HGSNAT: variants seen among roughly 807,000 people sequenced by gnomAD.
HGSNAT encodes heparan-alpha-glucosaminide N-acetyltransferase.
HGSNAT carries 59 observed loss-of-function variants against 85.2 expected under a neutral mutation model. The ratio of observed to expected loss-of-function variants is 0.69; its 90% confidence interval spans 0.56 to 0.86. The LOEUF (loss-of-function observed/expected upper bound fraction) is 0.86, where lower values mean the gene tolerates loss of function less well. Ranked by LOEUF, HGSNAT falls within the 40% of genes least tolerant of loss-of-function variation. HGSNAT has a pLI of 0.00. For synonymous variants in HGSNAT, 321 were observed against 304.5 expected, an observed-to-expected ratio of 1.05 and a Z score of -0.56; for missense variants, 756 against 777.1, an observed-to-expected ratio of 0.97 and a Z score of 0.32.
At chr8:43,183,545 A>G (rs902336508) in intron 11 of HGSNAT, among the ~76,000 whole-genome samples, 3 of 150,246 alleles carry the variant, frequency 2.0e-5, no homozygotes, top group Non-Finnish European at 4.4e-5. Flanking sequence ...ATCTGGGCTC[A>G]CTGCAAACTC....
chr8:43,152,612 A>G (rs1401321961), intron 2 of HGSNAT, among the ~76,000 whole-genome samples: 1 of 152,064 alleles, frequency 6.6e-6, no homozygotes, highest in African/African-American at 2.4e-5. Context: ...CATGACACCC[A>G]GCTAATTTTT....
Position 43,178,911 on chromosome 8 carries a change from A to G in HGSNAT, c.1012+677A>G, listed in dbSNP as rs1200137900. 2.6e-3 allele frequency among the ~76,000 whole-genome samples: 382 copies of G among 147,748 alleles called. 1 individual carries two copies. Among genetic ancestry groups the G allele is most frequent in the African/African-American group, 9.5e-3 (373 of 39,154 alleles). Reference sequence around the variant, plus strand: ...TGAGTGGACACAGCACATGTTTCAGAGAGCACAGGGTTGGGGATAAGGTCA... The same window carrying G: ...TGAGTGGACACAGCACATGTTTCAGGGAGCACAGGGTTGGGGATAAGGTCA... On this transcript the variant is annotated intron_variant, in intron 10 of 17. Transcript: ENST00000379644.
At chr8:43,174,614 T>C (rs572612944) in intron 9 of HGSNAT, among the ~76,000 whole-genome samples, 2 of 145,314 alleles carry the variant, frequency 1.4e-5, no homozygotes, top group East Asian at 3.9e-4. Flanking sequence ...ATTATTGTTA[T>C]TTTTTATTTC....
Position 43,182,265 on chromosome 8 carries a change from G to C in HGSNAT, c.1128+5G>C, listed in dbSNP as rs376697764. 11 of 1,606,578 alleles carry C rather than the reference G, an allele frequency of 6.8e-6. No individual in the cohort carries two copies. Among genetic ancestry groups the C allele is most frequent in the Non-Finnish European group, 9.4e-6 (11 of 1,173,234 alleles). On this transcript the variant is annotated splice_donor_5th_base_variant and intron_variant, in intron 11 of 17. Transcript: ENST00000379644. ...GTGCCTGAACATTGTGCCTCGGTGA[G>C]AAACCATGTTTTAATTAAGAAAAAC...
chr8:43,172,624 T>C (rs567437818), intron 8 of HGSNAT, among the ~76,000 whole-genome samples: 1 of 152,224 alleles, frequency 6.6e-6, no homozygotes, highest in African/African-American at 2.4e-5. Context: ...TAACAGACTC[T>C]AGAAGTTTCT....
intron 12 of HGSNAT, 136 bp downstream of exon 12, chr8:43,191,731 G>A: frequency 2.7e-6 from 3 of 1,123,848 alleles, no homozygotes; most frequent in Non-Finnish European, 3.8e-6. Flanking sequence ...TTTGCATGGG[G>A]AGAGGAGATT....
At chr8:43,164,654 GC>G (rs1803375179) in intron 5 of HGSNAT, among the ~76,000 whole-genome samples, 1 of 152,108 alleles carries the variant, frequency 6.6e-6, no homozygotes, top group Non-Finnish European at 1.5e-5. Context: ...GGCGGCGCAC[GC>G]CTGTAATCCC....
chr8:43,191,503 C>G lies in HGSNAT; in HGVS notation c.1158C>G (p.Ile386Met). 6.2e-7 allele frequency: 1 copy of G among 1,613,964 alleles called. No homozygotes were observed. Among genetic ancestry groups the G allele is most frequent in the Non-Finnish European group, 8.5e-7 (1 of 1,179,844 alleles). ...SERSCLSLRD[I>M]TSSWPQWLLI... ...GGAGCTGCCTTTCTCTTCGAGACATCACGTCCAGCTGGCCCCAGTGGCTGC... is the reference window on the plus strand; with the variant it reads ...GGAGCTGCCTTTCTCTTCGAGACATGACGTCCAGCTGGCCCCAGTGGCTGC... Residue 386 changes from isoleucine (I) to methionine (M), a missense_variant, in exon 12 of 18, where the codon ATC (isoleucine) becomes ATG (methionine). Transcript: ENST00000379644.
intron 2 of HGSNAT, among the ~76,000 whole-genome samples, chr8:43,149,786 T>G (rs888308538): frequency 6.6e-6 from 1 of 152,072 alleles, no homozygotes; most frequent in African/African-American, 2.4e-5. Flanking sequence ...TTATAATAAC[T>G]TCATACATTT....
intron 17 of HGSNAT, among the ~76,000 whole-genome samples, chr8:43,198,677 T>C (rs1804816681): frequency 1.3e-5 from 2 of 152,206 alleles, no homozygotes; most frequent in African/African-American, 2.4e-5. Context: ...CAAGAGGTGA[T>C]ATCAAGGGAT....
At chr8:43,164,291 T>C (rs566915530) in intron 5 of HGSNAT, among the ~76,000 whole-genome samples, 1 of 152,350 alleles carries the variant, frequency 6.6e-6, no homozygotes, top group African/African-American at 2.4e-5. Flanking sequence ...AACCCTGTGT[T>C]ATTGTGCTTT....
At position 43,173,437 on chromosome 8, in the gene HGSNAT, G is replaced by A. The variant is rs112573852; in HGVS notation, c.821-276G>A. Among the ~76,000 whole-genome samples the A allele has an allele frequency of 0.03, 4,546 of 151,874 alleles. 226 individuals carry two copies. Among genetic ancestry groups the A allele is most frequent in the African/African-American group, 0.11 (4,359 of 41,344 alleles). ...TGATTCTCCTGCCTCAGCCTCCCAG[G>A]TAGCTGGGATTACAGGTGCCCGCCA... On this transcript the variant is annotated intron_variant, in intron 8 of 17. Coordinates refer to ENST00000379644, the MANE Select transcript of HGSNAT (RefSeq NM_152419.3).
At chr8:43,188,151 G>A (rs1804388005) in intron 11 of HGSNAT, among the ~76,000 whole-genome samples, 1 of 152,084 alleles carries the variant, frequency 6.6e-6, no homozygotes, top group African/African-American at 2.4e-5. Flanking sequence ...GAGTATCTTT[G>A]TGGTGTTCTC....
chr8:43,181,826 G>A (rs1804134779), intron 10 of HGSNAT: 1 of 312,886 alleles, frequency 3.2e-6, no homozygotes, highest in Non-Finnish European at 5.9e-6. Flanking sequence ...CCAGGGTCAG[G>A]CACAGGCCTG....
intron 1 of HGSNAT, among the ~76,000 whole-genome samples, chr8:43,146,666 A>G (rs1802722873): frequency 6.6e-6 from 1 of 152,078 alleles, no homozygotes. Flanking sequence ...GATGCACTAG[A>G]TTTGAGTGGT....
intron 9 of HGSNAT, among the ~76,000 whole-genome samples, chr8:43,176,179 G>T (rs933667716): frequency 1.3e-5 from 2 of 152,022 alleles, no homozygotes; most frequent in Non-Finnish European, 2.9e-5. Flanking sequence ...CATAGTTTGA[G>T]GTCTTAAGTT....
At chr8:43,156,671 C>T (rs1234333104) in intron 2 of HGSNAT, among the ~76,000 whole-genome samples, 1 of 152,074 alleles carries the variant, frequency 6.6e-6, no homozygotes, top group African/African-American at 2.4e-5. Flanking sequence ...ATTAATAATT[C>T]CTTTATATAT....
intron 11 of HGSNAT, among the ~76,000 whole-genome samples, chr8:43,186,215 A>G (rs933879010): frequency 6.6e-6 from 1 of 152,186 alleles, no homozygotes; most frequent in African/African-American, 2.4e-5. Context: ...AAGGAATGGT[A>G]CCAGCTCCTC....
In HGSNAT at chr8:43,178,241, AC is replaced by A. The variant is rs2130766762; in HGVS notation, c.1012+8del. 1.3e-6 allele frequency: 2 copies of A among 1,511,920 alleles called. No individual in the cohort carries two copies. Among genetic ancestry groups the A allele is most frequent in the Non-Finnish European group, 1.8e-6 (2 of 1,132,260 alleles). 93.7% of individuals were successfully genotyped at this position (1,511,920 alleles called of 1,614,324 possible). ...AATTATTGCCTTGGTCCATGTAAGT[AC>A]TTTTTCCCTCTGTTATATATATTCA... On this transcript the variant is annotated splice_region_variant and intron_variant, in intron 10 of 17. Transcript: ENST00000379644.
Sources: gnomAD v4.1 joint callset for allele counts (sites outside exome capture counted in the v4.1 genomes callset) on GRCh38, gnomAD v4.1.1 for gene constraint, MANE v1.5 for transcripts, NCBI Gene and HGNC (gene_info 2026-07-23, HGNC 2026-07-21) for gene names.